Variants in RGS3 observed in about 807,000 individuals in gnomAD.
The protein encoded by RGS3 is regulator of G-protein signalling 3.
In RGS3, 80 loss-of-function variants were observed where a neutral mutation model predicts 132.6. The ratio of observed to expected loss-of-function variants is 0.60; its 90% confidence interval spans 0.50 to 0.73. The LOEUF (loss-of-function observed/expected upper bound fraction) is 0.73, where lower values mean the gene tolerates loss of function less well. Among genes scored for constraint, RGS3 ranks in the 30% least tolerant of loss-of-function variants. The pLI is 0.00. For synonymous variants in RGS3, 598 were observed against 620.6 expected, an observed-to-expected ratio of 0.96 and a Z score of 0.54; for missense variants, 1,382 against 1,530.8, an observed-to-expected ratio of 0.90 and a Z score of 1.62.
chr9:113,592,429 T>A (rs1483147669), intron 21 of RGS3: 1 of 151,460 alleles, frequency 6.6e-6, no homozygotes, highest in Non-Finnish European at 1.5e-5. Context: ...GCATCCCGGG[T>A]GCTGGAGCAG....
chr9:113,583,835 C>T, exon 20 of RGS3: 1 of 1,614,054 alleles, frequency 6.2e-7, no homozygotes. Flanking sequence ...GAATCCCCCA[C>T]CCGGGACCTT....
chr9:113,484,219 G>A (rs960304257), exon 6 of RGS3: 15 of 1,600,122 alleles, frequency 9.4e-6, no homozygotes, highest in Middle Eastern at 1.7e-4. Flanking sequence ...GGCTTTCCAC[G>A]AGCACTTCTT....
Position 113,522,926 on chromosome 9 carries a change from C to A in RGS3, c.1759-4C>A, listed in dbSNP as rs1483967582. ...CCAGTTCTGTTTGCTCTCTGTCAAC[C>A]CAGGTGACACTGTTTGCCTATTCGG... On this transcript the variant is annotated splice_polypyrimidine_tract_variant and splice_region_variant and intron_variant, in intron 16 of 24. Coordinates refer to ENST00000350696, the Ensembl canonical transcript of RGS3. 1.3e-6 allele frequency: 2 copies of A among 1,597,292 alleles called. No homozygotes were observed. The highest frequency in any genetic ancestry group is 8.6e-7 in the Non-Finnish European group (1 of 1,164,654).
At chr9:113,448,422 C>T (rs1310084002) in intron 1 of RGS3, among the ~76,000 whole-genome samples, 1 of 152,156 alleles carries the variant, frequency 6.6e-6, no homozygotes, top group Non-Finnish European at 1.5e-5. Flanking sequence ...CTCTTACCTT[C>T]TGACTTTTTT....
chr9:113,466,969 C>A (rs896650784), intron 3 of RGS3, among the ~76,000 whole-genome samples: 1 of 151,842 alleles, frequency 6.6e-6, no homozygotes, highest in Non-Finnish European at 1.5e-5. Context: ...TAAATGGAAT[C>A]GTATTTTTTT....
At chr9:113,485,832 GC>G in intron 7 of RGS3, 139 bp downstream of exon 5, 2 of 620,478 alleles carry the variant, frequency 3.2e-6, no homozygotes, top group Admixed American at 5.3e-5. Context: ...TGCAGAGGCT[GC>G]CCCTCCTTGA....
intron 19 of RGS3, chr9:113,570,195 TGTGAATG>T (rs1834225282): frequency 6.6e-6 from 1 of 152,200 alleles, no homozygotes; most frequent in Non-Finnish European, 1.5e-5. Context: ...ACATGTTTCA[TGTGAATG>T]GATTCTGTGT....
At chr9:113,477,079 G>A (rs766771005) in intron 3 of RGS3, among the ~76,000 whole-genome samples, 8 of 152,044 alleles carry the variant, frequency 5.3e-5, no homozygotes, top group Non-Finnish European at 1.2e-4. Flanking sequence ...GTTTTCATAG[G>A]TTTCTCAGCT....
chr9:113,525,968 T>G (rs1352505748), intron 17 of RGS3, among the ~76,000 whole-genome samples: 1 of 152,184 alleles, frequency 6.6e-6, no homozygotes, highest in Non-Finnish European at 1.5e-5. Context: ...CAGCCTCCCC[T>G]AGGCTTCAGC....
In RGS3 at chr9:113,583,983, T is replaced by C. The variant is rs778911357; in HGVS notation, c.2571T>C (p.Pro857=). 9 of 1,613,952 alleles carry C rather than the reference T, an allele frequency of 5.6e-6. No homozygotes were observed. In the African/African-American group the frequency reaches 8.0e-5, roughly 14 times the overall value. The change falls in exon 20 of 25, where the codon CCT becomes CCC. Residue 857 remains proline, a synonymous_variant. Transcript: ENST00000350696. ...CCCCCAGGCCAGCCTTCGTGATCCC[T>C]GAGGTCCGGCTGGATAGCACCTACA... is the stretch of plus-strand genomic sequence containing the variant.
chr9:113,506,618 A>G lies in RGS3; in HGVS notation c.1085+125A>G. On this transcript the variant is annotated intron_variant, in intron 12 of 24. Coordinates refer to ENST00000350696, the Ensembl canonical transcript of RGS3. The surrounding 1 kb of genome is among the most constrained non-coding windows in gnomAD (Gnocchi z 4.7). Reference sequence around the variant, plus strand: ...TCTTTTGCCTAGCTGTGAGCAGGCAATTCCTTTTGCTCTTCAAGGAATCTG... The same window carrying G: ...TCTTTTGCCTAGCTGTGAGCAGGCAGTTCCTTTTGCTCTTCAAGGAATCTG... 2 of 646,308 alleles carry G rather than the reference A, an allele frequency of 3.1e-6. No homozygotes were observed. The highest frequency in any genetic ancestry group is 2.8e-5 in the East Asian group (1 of 35,938). 40.0% of individuals were successfully genotyped at this position (646,308 alleles called of 1,614,324 possible).
At chr9:113,508,828 T>C (rs1831266612) in intron 14 of RGS3, among the ~76,000 whole-genome samples, 1 of 152,220 alleles carries the variant, frequency 6.6e-6, no homozygotes, top group Non-Finnish European at 1.5e-5. Context: ...AGAGACCGTG[T>C]GTCCAGGCCT....
At chr9:113,508,022 C>A (rs1831220239) in intron 13 of RGS3, among the ~76,000 whole-genome samples, 1 of 152,144 alleles carries the variant, frequency 6.6e-6, no homozygotes, top group Admixed American at 6.5e-5. Context: ...GTGCGCTCCC[C>A]AAAACATTAG....
At chr9:113,447,338 T>TATATATATATATATATATAC (rs1554751026) in intron 1 of RGS3, among the ~76,000 whole-genome samples, 846 of 84,210 alleles carry the variant, frequency 0.01, 99 homozygotes, top group Non-Finnish European at 0.019. Context: ...TGTATATATA[T>TATATATATATATATATATAC]ATATATATAT....
At chr9:113,528,225 A>G (rs577048181) in intron 17 of RGS3, among the ~76,000 whole-genome samples, 2 of 152,130 alleles carry the variant, frequency 1.3e-5, no homozygotes, top group South Asian at 4.2e-4. Context: ...CTCAACAATG[A>G]CAGTTTGCCT....
chr9:113,492,378 G>A (rs150382028), intron 7 of RGS3, among the ~76,000 whole-genome samples: 1 of 152,272 alleles, frequency 6.6e-6, no homozygotes, highest in African/African-American at 2.4e-5. Context: ...GTGTCCCCGA[G>A]CCTTCAGAAT....
At chr9:113,492,406 C>A (rs1264521775) in intron 7 of RGS3, among the ~76,000 whole-genome samples, 2 of 152,214 alleles carry the variant, frequency 1.3e-5, no homozygotes, top group Admixed American at 1.3e-4. Context: ...CTGCACTGTT[C>A]ATCTGTCAAT....
intron 19 of RGS3, chr9:113,541,885 G>GT: frequency 1.0e-6 from 1 of 985,964 alleles, no homozygotes; most frequent in Non-Finnish European, 1.2e-6. Flanking sequence ...TGGATATTTC[G>GT]GGTGCATCTA....
rs781363596 is a variant in RGS3, at chr9:113,583,837, C to CA, written c.2425_2426insA (p.Arg809GlnfsTer12). On this transcript the variant is annotated frameshift_variant, in exon 20 of 25. Transcript: ENST00000350696. LOFTEE classifies it high-confidence loss of function. Reference sequence around the variant, plus strand: ...CCCTGCCATCCAGGAATCCCCCACCCGGGACCTTCCACCCTGTCAAGATCT... The same window carrying CA: ...CCCTGCCATCCAGGAATCCCCCACCCAGGGACCTTCCACCCTGTCAAGATCT... 27 of 1,614,010 alleles carry CA rather than the reference C, an allele frequency of 1.7e-5. No homozygotes were observed. The East Asian group carries it at 5.6e-4, about 33-fold the overall frequency.
Sources: allele counts gnomAD v4.1 joint callset (sites outside exome capture counted in the v4.1 genomes callset), GRCh38; gene constraint gnomAD v4.1.1; non-coding constraint Gnocchi (gnomAD v3.1); transcripts MANE v1.5; gene names NCBI Gene and HGNC (gene_info 2026-07-23, HGNC 2026-07-21).